The following CALN1 variants were observed in gnomAD, a reference collection of about 807,000 sequenced individuals.
CALN1 encodes the protein calcium-binding protein 8.
Under a neutral mutation model 30.6 loss-of-function variants are expected in CALN1, and 17 were observed. The ratio of observed to expected loss-of-function variants is 0.56; its 90% CI spans 0.38 to 0.83. The LOEUF (loss-of-function observed/expected upper bound fraction) is 0.83, where lower values mean the gene tolerates loss of function less well. CALN1 is among the 40% of genes least tolerant of loss of function. The pLI is 0.00. For missense variants in CALN1, 291 were observed against 354.9 expected (o/e 0.82, Z 1.45); for synonymous variants, 156 against 131.4 (o/e 1.19, Z -1.28).
At chr7:72,354,358 AAT>A (rs1803104182) in intron 2 of CALN1, among the ~76,000 whole-genome samples, 1 of 152,236 alleles carries the variant, frequency 6.6e-6, no homozygotes, top group African/African-American at 2.4e-5. Flanking sequence ...GAGGTTTGAT[AAT>A]TTTAAGATGT....
intron 4 of CALN1, among the ~76,000 whole-genome samples, chr7:72,045,556 T>C (rs1473636764): frequency 6.6e-6 from 1 of 151,958 alleles, no homozygotes; most frequent in Non-Finnish European, 1.5e-5. Flanking sequence ...GGAGACAGGG[T>C]CTCTTTCTGT....
At chr7:72,106,129 A>C in intron 4 of CALN1, 22 bp downstream of exon 4, 1 of 1,611,186 alleles carries the variant, frequency 6.2e-7, no homozygotes, top group Non-Finnish European at 8.5e-7. Flanking sequence ...CTCAGGGGAG[A>C]AGCTGCTTGT....
At chr7:71,939,047 A>T (rs6974794) in intron 5 of CALN1, among the ~76,000 whole-genome samples, 33,653 of 152,020 alleles carry the variant, frequency 0.22, 3,853 homozygotes, top group East Asian at 0.48. Flanking sequence ...AGACACAAGG[A>T]AACCAAAGCT....
the CALN1 span, among the ~76,000 whole-genome samples, chr7:72,496,074 C>T: frequency 6.6e-6 from 1 of 152,182 alleles, no homozygotes; most frequent in Non-Finnish European, 1.5e-5. Flanking sequence ...GCATGCATCA[C>T]CATGCCCAGC....
At chr7:72,017,631 T>C (rs1373387823) in intron 5 of CALN1, among the ~76,000 whole-genome samples, 1 of 152,196 alleles carries the variant, frequency 6.6e-6, no homozygotes, top group Non-Finnish European at 1.5e-5. Flanking sequence ...TATTATGGGC[T>C]TCTTGTCTCC....
chr7:72,034,154 C>G (rs748458817), intron 4 of CALN1, among the ~76,000 whole-genome samples: 1 of 151,514 alleles, frequency 6.6e-6, no homozygotes, highest in Non-Finnish European at 1.5e-5. Context: ...GAGATTGAGA[C>G]CATCCTGGCT....
intron 5 of CALN1, among the ~76,000 whole-genome samples, chr7:71,933,235 A>G (rs544925873): frequency 1.3e-5 from 2 of 152,214 alleles, no homozygotes; most frequent in African/African-American, 4.8e-5. Flanking sequence ...TAAGTGGGAA[A>G]CCCATTTGCA....
chr7:72,029,762 T>C (rs1418228506), intron 4 of CALN1, among the ~76,000 whole-genome samples: 6 of 152,256 alleles, frequency 3.9e-5, no homozygotes, highest in Non-Finnish European at 8.8e-5. Flanking sequence ...GGAAGCTGCA[T>C]GTACCACTCC....
chr7:72,257,958 TCGA>T (rs1309116650), intron 3 of CALN1, among the ~76,000 whole-genome samples: 2 of 151,696 alleles, frequency 1.3e-5, no homozygotes, highest in African/African-American at 4.9e-5. Context: ...CTCTGGGGAC[TCGA>T]GGGGGAAGAG....
chr7:72,134,532 T>C (rs896595842), intron 3 of CALN1, among the ~76,000 whole-genome samples: 3 of 152,360 alleles, frequency 2.0e-5, no homozygotes, highest in Non-Finnish European at 2.9e-5. Flanking sequence ...ATTTACATTA[T>C]ACTTTTGTCT....
intron 3 of CALN1, among the ~76,000 whole-genome samples, chr7:72,227,601 G>T (rs1479957136): frequency 2.6e-5 from 4 of 151,766 alleles, no homozygotes; most frequent in African/African-American, 9.7e-5. Context: ...TGGGTTGTGG[G>T]GGGTGGGCAA....
intron 3 of CALN1, among the ~76,000 whole-genome samples, chr7:72,173,170 C>A (rs752451390): frequency 4.6e-5 from 7 of 150,976 alleles, no homozygotes; most frequent in Admixed American, 2.0e-4. Flanking sequence ...AGGAGCAGAA[C>A]AAAAATGAAG....
At chr7:72,074,690 A>C (rs888106006) in intron 4 of CALN1, among the ~76,000 whole-genome samples, 1 of 152,148 alleles carries the variant, frequency 6.6e-6, no homozygotes, top group African/African-American at 2.4e-5. Flanking sequence ...TTACAGGCTT[A>C]AGCCACTGCA....
At chr7:72,381,134 CAA>C (rs1804876277) in intron 2 of CALN1, among the ~76,000 whole-genome samples, 1 of 152,130 alleles carries the variant, frequency 6.6e-6, no homozygotes. Context: ...ACGGAAAGCA[CAA>C]AGACATAAAC....
chr7:71,933,906 G>A (rs986252335), intron 5 of CALN1, among the ~76,000 whole-genome samples: 1 of 152,118 alleles, frequency 6.6e-6, no homozygotes, highest in Non-Finnish European at 1.5e-5. Context: ...ACGTGAGTGA[G>A]TGACATGGGA....
At chr7:71,905,444 T>A (rs537385431) in intron 5 of CALN1, among the ~76,000 whole-genome samples, 1 of 151,634 alleles carries the variant, frequency 6.6e-6, no homozygotes, top group Admixed American at 6.6e-5. Flanking sequence ...GTCCATTATA[T>A]CACTCAACTC....
chr7:72,429,650 C>T (rs1182109534), intron 1 of CALN1, among the ~76,000 whole-genome samples: 3 of 150,822 alleles, frequency 2.0e-5, no homozygotes, highest in Non-Finnish European at 3.0e-5. Context: ...AAACTTCTCA[C>T]ATTCTTCATG....
intron 5 of CALN1, among the ~76,000 whole-genome samples, chr7:71,886,016 G>C (rs567217757): frequency 3.9e-5 from 6 of 152,340 alleles, no homozygotes; most frequent in African/African-American, 1.4e-4. Flanking sequence ...ATTTTAACAT[G>C]TGAATGGCAG....
At chr7:72,222,352 T>G (rs1291141907) in intron 3 of CALN1, among the ~76,000 whole-genome samples, 2 of 152,246 alleles carry the variant, frequency 1.3e-5, no homozygotes, top group African/African-American at 4.8e-5. Context: ...CTCAGGAAAC[T>G]TGCAATCATG....
Sources: allele counts gnomAD v4.1 joint callset (sites outside exome capture counted in the v4.1 genomes callset), GRCh38; gene constraint gnomAD v4.1.1; transcripts MANE v1.5; gene names NCBI Gene and HGNC (gene_info 2026-07-23, HGNC 2026-07-21).